PRKCA: variants seen among roughly 807,000 people sequenced by gnomAD.
The protein encoded by PRKCA is protein kinase C alpha type.
In PRKCA, 27 loss-of-function variants were observed where a neutral mutation model predicts 87.0. The observed-to-expected ratio is 0.31, with a 90% confidence interval of 0.23 to 0.43. The LOEUF (loss-of-function observed/expected upper bound fraction) is 0.43, where lower values mean the gene tolerates loss of function less well. Ranked by LOEUF, PRKCA falls within the 20% of genes least tolerant of loss-of-function variation. The pLI is 1.00. For synonymous variants in PRKCA, 329 were observed against 311.1 expected (o/e 1.06, Z -0.61); for missense variants, 518 against 852.3 (o/e 0.61, Z 4.88).
intron 2 of PRKCA, among the ~76,000 whole-genome samples, chr17:66,309,784 C>T (rs1025358606): frequency 1.3e-5 from 2 of 152,204 alleles, no homozygotes; most frequent in East Asian, 3.9e-4. Flanking sequence ...AGATCTAGTC[C>T]TTGCCCACTT....
rs114720668 is a variant in PRKCA at position 66,593,281 on chromosome 17, G to T, written c.289-48074G>T. 3.2e-3 allele frequency among the ~76,000 whole-genome samples: 486 copies of T among 152,240 alleles called. 1 individual carries two copies. Among genetic ancestry groups the T allele is most frequent in the African/African-American group, 0.011 (469 of 41,528 alleles). On this transcript the variant is annotated intron_variant, in intron 3 of 16. Transcript: ENST00000413366. ...GGCATGGCTCCATGTGGTCATTCAG[G>T]GACCTGAGCTGCTTCCATCCTGATG...
intron 3 of PRKCA, among the ~76,000 whole-genome samples, chr17:66,567,163 G>A (rs1968928976): frequency 1.3e-5 from 2 of 152,148 alleles, no homozygotes; most frequent in Non-Finnish European, 2.9e-5. Flanking sequence ...GGGGAACTTG[G>A]TATAATTATT....
rs1318377859 is a variant in PRKCA, at chr17:66,810,163, T to A, written c.*6126T>A. 6.6e-6 allele frequency: 1 copy of A among 152,252 alleles called. No individual in the cohort carries two copies. The highest frequency in any genetic ancestry group is 1.9e-4 in the East Asian group (1 of 5,196). 9.4% of individuals were successfully genotyped at this position (152,252 alleles called of 1,614,324 possible). ...TAAAAGGTGGCTTTGCATTTTCTGATTAAACGACTGTGTCTTTGTCACCTC... is the reference window on the plus strand; with the variant it reads ...TAAAAGGTGGCTTTGCATTTTCTGAATAAACGACTGTGTCTTTGTCACCTC... On this transcript the variant is annotated 3_prime_UTR_variant, in exon 17 of 17. Transcript: ENST00000413366.
At chr17:66,532,373 TA>T (rs1290722563) in intron 3 of PRKCA, among the ~76,000 whole-genome samples, 20 of 147,508 alleles carry the variant, frequency 1.4e-4, no homozygotes, top group Admixed American at 6.2e-4. Context: ...TTTATTTTTT[TA>T]TTTTTTTTTG....
chr17:66,614,161 T>G (rs1273267374), intron 3 of PRKCA, among the ~76,000 whole-genome samples: 6 of 152,102 alleles, frequency 3.9e-5, no homozygotes, highest in African/African-American at 1.4e-4. Context: ...TCTCTCCGAT[T>G]CCAGCTGGAC....
At chr17:66,579,524 C>T (rs575539937) in intron 3 of PRKCA, among the ~76,000 whole-genome samples, 1 of 152,294 alleles carries the variant, frequency 6.6e-6, no homozygotes, top group African/African-American at 2.4e-5. Context: ...AAGAAAGGTG[C>T]TTTTACCATC....
intron 2 of PRKCA, among the ~76,000 whole-genome samples, chr17:66,441,550 T>A (rs903836595): frequency 6.6e-6 from 1 of 152,168 alleles, no homozygotes; most frequent in Non-Finnish European, 1.5e-5. Flanking sequence ...TTTGTACATC[T>A]TCATACGACT....
intron 2 of PRKCA, among the ~76,000 whole-genome samples, chr17:66,446,116 G>A (rs893464783): frequency 2.0e-5 from 3 of 152,136 alleles, no homozygotes; most frequent in African/African-American, 7.2e-5. Context: ...AAAGTGCCTG[G>A]CTGACTCTTT....
chr17:66,314,003 AT>A (rs1371539718), intron 2 of PRKCA, among the ~76,000 whole-genome samples: 2 of 152,198 alleles, frequency 1.3e-5, no homozygotes, highest in African/African-American at 4.8e-5. Flanking sequence ...TTCATATTTT[AT>A]ATGCTTTCAT....
At chr17:66,304,399 G>A (rs1904687311) in intron 1 of PRKCA, among the ~76,000 whole-genome samples, 1 of 152,172 alleles carries the variant, frequency 6.6e-6, no homozygotes, top group African/African-American at 2.4e-5. Flanking sequence ...TTTCTTTTAA[G>A]TTGCCCGACG....
At chr17:66,355,129 C>T (rs1008628838) in intron 2 of PRKCA, among the ~76,000 whole-genome samples, 1 of 152,188 alleles carries the variant, frequency 6.6e-6, no homozygotes, top group Non-Finnish European at 1.5e-5. Flanking sequence ...CAATAATCTC[C>T]ACATTCCTAG....
chr17:66,303,155 C>T (rs1395030644), intron 1 of PRKCA, 131 bp downstream of exon 1: 23 of 1,263,174 alleles, frequency 1.8e-5, no homozygotes, highest in Non-Finnish European at 2.3e-5. Context: ...CCGAACTCTT[C>T]GCCCGGAGTG....
intron 2 of PRKCA, among the ~76,000 whole-genome samples, chr17:66,377,657 TTATA>T (rs534757885): frequency 6.9e-6 from 1 of 144,794 alleles, no homozygotes; most frequent in East Asian, 2.0e-4. Flanking sequence ...AATGTCTATA[TTATA>T]TATATAAAAT....
chr17:66,359,025 TG>T (rs140868964), intron 2 of PRKCA, among the ~76,000 whole-genome samples: 14,071 of 152,138 alleles, frequency 0.092, 739 homozygotes, highest in African/African-American at 0.13. Flanking sequence ...ACGTAGTCCT[TG>T]TTCTCACATT....
chr17:66,748,570 C>T (rs1217253944), intron 13 of PRKCA, among the ~76,000 whole-genome samples: 5 of 152,220 alleles, frequency 3.3e-5, no homozygotes, highest in South Asian at 2.1e-4. Flanking sequence ...GTCCAGCAGA[C>T]GGGAGTGGGA....
intron 3 of PRKCA, among the ~76,000 whole-genome samples, chr17:66,576,574 G>A (rs1451923695): frequency 6.6e-6 from 1 of 152,182 alleles, no homozygotes; most frequent in Non-Finnish European, 1.5e-5. Context: ...CTTTTTTCAT[G>A]CTGAAATTTC....
intron 2 of PRKCA, among the ~76,000 whole-genome samples, chr17:66,454,471 G>A (rs1443896041): frequency 6.6e-6 from 1 of 152,140 alleles, no homozygotes; most frequent in African/African-American, 2.4e-5. Flanking sequence ...CAGGATCTGG[G>A]TAGGTGTATT....
chr17:66,635,785 C>G (rs1286745710), intron 3 of PRKCA, among the ~76,000 whole-genome samples: 3 of 152,090 alleles, frequency 2.0e-5, no homozygotes, highest in African/African-American at 7.2e-5. Flanking sequence ...TCTGATGAAA[C>G]CCTAAACTCT....
chr17:66,370,450 G>C (rs1160444279), intron 2 of PRKCA, among the ~76,000 whole-genome samples: 1 of 151,434 alleles, frequency 6.6e-6, no homozygotes, highest in Non-Finnish European at 1.5e-5. Context: ...CAGTTAGTGA[G>C]GCATTGCCAG....
Sources: gnomAD v4.1 joint callset for allele counts (sites outside exome capture counted in the v4.1 genomes callset) on GRCh38, gnomAD v4.1.1 for gene constraint, MANE v1.5 for transcripts, NCBI Gene and HGNC (gene_info 2026-07-23, HGNC 2026-07-21) for gene names.